Variants in EXOC4 observed in about 807,000 individuals in gnomAD.
The protein encoded by EXOC4 is exocyst complex component 4.
EXOC4 carries 71 observed loss-of-function variants against 107.2 expected under a neutral mutation model. The ratio of observed to expected loss-of-function variants is 0.66; its 90% CI spans 0.55 to 0.81. EXOC4 has a LOEUF of 0.81. Ranked by LOEUF, EXOC4 falls within the 30% of genes least tolerant of loss-of-function variation. EXOC4 has a pLI of 0.00. For synonymous variants in EXOC4, 456 were observed against 441.2 expected, an observed-to-expected ratio of 1.03 and a Z score of -0.42; for missense variants, 1,108 against 1,189.6, an observed-to-expected ratio of 0.93 and a Z score of 1.01.
At chr7:133,759,009 CAT>C (rs1347790724) in intron 10 of EXOC4, among the ~76,000 whole-genome samples, 1 of 152,168 alleles carries the variant, frequency 6.6e-6, no homozygotes, top group Non-Finnish European at 1.5e-5. Context: ...GGACCACTAT[CAT>C]GTGGACAGAG....
At chr7:133,371,156 C>T (rs1449537080) in intron 6 of EXOC4, among the ~76,000 whole-genome samples, 2 of 152,180 alleles carry the variant, frequency 1.3e-5, no homozygotes, top group African/African-American at 4.8e-5. Context: ...TTCACTGTTT[C>T]ATGTATTTCC....
intron 11 of EXOC4, among the ~76,000 whole-genome samples, chr7:133,823,639 A>G (rs1040430568): frequency 2.0e-5 from 3 of 150,394 alleles, no homozygotes; most frequent in African/African-American, 7.3e-5. Context: ...ACATGGTGAA[A>G]CCCTGTCTAT....
rs190361901 is a variant in EXOC4 at position 133,254,984 on chromosome 7, C to A, written c.86+1797C>A. Among the ~76,000 whole-genome samples the A allele has an allele frequency of 3.2e-3, 487 of 152,146 alleles. 4 individuals carry two copies. Among genetic ancestry groups the A allele is most frequent in the African/African-American group, 0.011 (469 of 41,498 alleles). On this transcript the variant is annotated intron_variant, in intron 1 of 17. Transcript: ENST00000253861. ...TTTACTAATGCTAATTCAGAACATA[C>A]ATTGCCTTTGCTTGACCATTCCTTA...
At chr7:134,023,055 TA>T (rs1795063005) in intron 17 of EXOC4, among the ~76,000 whole-genome samples, 1 of 152,190 alleles carries the variant, frequency 6.6e-6, no homozygotes, top group Non-Finnish European at 1.5e-5. Flanking sequence ...GAACCAAATA[TA>T]AGAACAGTAA....
intron 9 of EXOC4, among the ~76,000 whole-genome samples, chr7:133,627,067 T>C (rs1046769503): frequency 3.3e-5 from 5 of 152,202 alleles, no homozygotes; most frequent in Non-Finnish European, 7.3e-5. Flanking sequence ...TTCCAGGAAG[T>C]TACATTCCTG....
intron 17 of EXOC4, among the ~76,000 whole-genome samples, chr7:134,011,802 A>C (rs920421095): frequency 3.3e-5 from 5 of 150,522 alleles, no homozygotes; most frequent in Non-Finnish European, 5.9e-5. Context: ...AAAAAAAAAG[A>C]GTAGGCATGG....
rs936060324 is a variant in EXOC4 at position 133,776,365 on chromosome 7, C to T, written c.1515-40960C>T. ...GATGACATGGTTTGTATGTTAGTTT[C>T]GGTTCCATATTAATTTATTCAGTCA... On this transcript the variant is annotated intron_variant, in intron 10 of 17. Transcript: ENST00000253861. Among the ~76,000 whole-genome samples the T allele has an allele frequency of 1.7e-4, 26 of 152,266 alleles. 1 individual carries two copies. Among genetic ancestry groups the T allele is most frequent in the South Asian group, 4.1e-4 (2 of 4,824 alleles).
chr7:133,768,320 G>A (rs1192350569), intron 10 of EXOC4: 1 of 151,816 alleles, frequency 6.6e-6, no homozygotes, highest in Non-Finnish European at 1.5e-5. Context: ...TTAAGAAAAA[G>A]TGCAATTCAG....
intron 14 of EXOC4, among the ~76,000 whole-genome samples, chr7:133,968,774 T>G (rs913792962): frequency 1.7e-4 from 26 of 152,164 alleles, no homozygotes. Flanking sequence ...ACCCTTAACA[T>G]TTTTCCTTCA....
chr7:133,936,198 C>T (rs1034857227), intron 13 of EXOC4, among the ~76,000 whole-genome samples: 1 of 152,144 alleles, frequency 6.6e-6, no homozygotes, highest in Admixed American at 6.5e-5. Context: ...TCCATGCGCT[C>T]GGTTCACTGC....
At position 133,698,137 on chromosome 7, in the gene EXOC4, T is replaced by G. The variant is rs1003837768; in HGVS notation, c.1514+67996T>G. On this transcript the variant is annotated intron_variant, in intron 10 of 17. Transcript: ENST00000253861. ...ATTTATGAAAAAAAATTATGTTGAT[T>G]TATGTGTGTGACCTTGGTTGTGTTG... Among the ~76,000 whole-genome samples the G allele has an allele frequency of 8.5e-5, 13 of 152,294 alleles. No homozygotes were observed. The East Asian group carries it at 2.5e-3, about 29-fold the overall frequency.
At chr7:133,420,491 C>T (rs568045454) in intron 7 of EXOC4, among the ~76,000 whole-genome samples, 8 of 152,116 alleles carry the variant, frequency 5.3e-5, no homozygotes, top group Non-Finnish European at 1.2e-4. Flanking sequence ...AGGGGTTCTG[C>T]TAGCTTCAGA....
intron 1 of EXOC4, among the ~76,000 whole-genome samples, chr7:133,269,943 G>T (rs1459242908): frequency 6.6e-6 from 1 of 152,124 alleles, no homozygotes; most frequent in Non-Finnish European, 1.5e-5. Context: ...GATAAGTATG[G>T]TACTGATATG....
intron 3 of EXOC4, among the ~76,000 whole-genome samples, chr7:133,289,543 TA>T (rs1794358232): frequency 6.6e-6 from 1 of 152,198 alleles, no homozygotes; most frequent in Admixed American, 6.5e-5. Context: ...TTGAAATTGA[TA>T]AGAAATAAAA....
Position 133,796,250 on chromosome 7 carries a change from G to A in EXOC4, c.1515-21075G>A, listed in dbSNP as rs114408723. On this transcript the variant is annotated intron_variant, in intron 10 of 17. Transcript: ENST00000253861. ...TGAAAGAACTGTTTTTCTATCCCAA[G>A]GTGACATCATTTGGATCCCAGACTG... Among the ~76,000 whole-genome samples the A allele has an allele frequency of 5.7e-3, 875 of 152,174 alleles. 9 individuals carry two copies. The highest frequency in any genetic ancestry group is 0.02 in the African/African-American group (823 of 41,518).
At position 133,630,151 on chromosome 7, in the gene EXOC4, G is replaced by A; in HGVS notation, c.1514+10G>A. The A allele has an allele frequency of 6.3e-7, 1 of 1,587,976 alleles. No homozygotes were observed. Among genetic ancestry groups the A allele is most frequent in the Non-Finnish European group, 8.6e-7 (1 of 1,156,406 alleles). On this transcript the variant is annotated intron_variant, in intron 10 of 17. Transcript: ENST00000253861. ...TCCACCCATTACTAAGGTAAGTCAA[G>A]TGCTATGATATACTTACTGAAGATC...
intron 14 of EXOC4, among the ~76,000 whole-genome samples, chr7:133,964,117 T>A: frequency 1.3e-5 from 2 of 152,284 alleles, no homozygotes; most frequent in South Asian, 4.2e-4. Context: ...GAAAGAACTT[T>A]AAGTTCTTAG....
intron 11 of EXOC4, among the ~76,000 whole-genome samples, chr7:133,818,752 G>C (rs988582169): frequency 6.6e-6 from 1 of 152,112 alleles, no homozygotes; most frequent in African/African-American, 2.4e-5. Context: ...CACTTAAAAT[G>C]TCATGTCCAC....
At chr7:133,857,091 C>T (rs1455409732) in intron 11 of EXOC4, among the ~76,000 whole-genome samples, 19 of 94,876 alleles carry the variant, frequency 2.0e-4, no homozygotes, top group African/African-American at 5.7e-4. Context: ...AGAGAGACTC[C>T]GTCTTTATAT....
Sources: gnomAD v4.1 joint callset for allele counts (sites outside exome capture counted in the v4.1 genomes callset) on GRCh38, gnomAD v4.1.1 for gene constraint, MANE v1.5 for transcripts, NCBI Gene and HGNC (gene_info 2026-07-23, HGNC 2026-07-21) for gene names.